Variants in LARP4 observed in about 807,000 individuals in gnomAD.
LARP4 encodes the protein La ribonucleoprotein 4.
Under a neutral mutation model 92.9 loss-of-function variants are expected in LARP4, and 29 were observed. The observed-to-expected ratio is 0.31, with a 90% CI of 0.23 to 0.43. The LOEUF is 0.43. Ranked by LOEUF, LARP4 falls within the 20% of genes least tolerant of loss-of-function variation. The pLI is 1.00. For synonymous variants in LARP4, 279 were observed against 284.1 expected (o/e 0.98, Z 0.18); for missense variants, 732 against 860.0 (o/e 0.85, Z 1.86).
rs1468850308 is a variant in LARP4, at chr12:50,476,419, C to T, written c.*555C>T. 6.6e-6 allele frequency: 1 copy of T among 152,428 alleles called. No individual in the cohort carries two copies. Among genetic ancestry groups the T allele is most frequent in the East Asian group, 1.9e-4 (1 of 5,190 alleles). The allele number at this position is 152,428 out of a possible 1,614,324, so 9.4% of individuals were successfully genotyped here. ...GAGTGTGTACAAGAGCGATTGAAGC[C>T]AAATCTGTTGTCATGTTAGTAAATG... On this transcript the variant is annotated 3_prime_UTR_variant, in exon 16 of 16. Coordinates refer to ENST00000398473, the MANE Select transcript of LARP4 (RefSeq NM_052879.5).
intron 8 of LARP4, among the ~76,000 whole-genome samples, chr12:50,446,429 A>T (rs1279471153): frequency 0.026 from 100 of 3,906 alleles, 10 homozygotes; most frequent in South Asian, 0.052. Flanking sequence ...ATATATATAT[A>T]TTTTTTTTTT....
chr12:50,410,069 G>A (rs1024206360), intron 1 of LARP4, among the ~76,000 whole-genome samples: 1 of 150,636 alleles, frequency 6.6e-6, no homozygotes, highest in African/African-American at 2.5e-5. Context: ...TGGGATTACA[G>A]GTGTGAGCCA....
At chr12:50,454,473 G>C in intron 10 of LARP4, 56 bp downstream of exon 10, 1 of 1,259,774 alleles carries the variant, frequency 7.9e-7, no homozygotes, top group African/African-American at 1.5e-5. Context: ...TGGATCTTAA[G>C]GCATTAATAG....
chr12:50,473,670 A>C, intron 14 of LARP4, 134 bp downstream of exon 14: 1 of 791,752 alleles, frequency 1.3e-6, no homozygotes, highest in Non-Finnish European at 1.9e-6. Context: ...GTTCAAGACC[A>C]GTCTGGCCAA....
chr12:50,456,666 C>T (rs1190173324), intron 10 of LARP4, among the ~76,000 whole-genome samples: 1 of 152,128 alleles, frequency 6.6e-6, no homozygotes, highest in African/African-American at 2.4e-5. Context: ...CTTTCTTTCA[C>T]TTTACTTCTC....
At chr12:50,426,420 A>G (rs755795960) in intron 1 of LARP4, among the ~76,000 whole-genome samples, 2 of 152,156 alleles carry the variant, frequency 1.3e-5, no homozygotes, top group East Asian at 1.9e-4. Context: ...TCATCAATCA[A>G]TTCAGCTTCA....
At chr12:50,415,899 GTT>G (rs1946697936) in intron 1 of LARP4, 2 of 151,602 alleles carry the variant, frequency 1.3e-5, no homozygotes, top group African/African-American at 4.9e-5. Context: ...TAGTGATGGA[GTT>G]TTGCCATGTG....
chr12:50,446,107 A>G (rs1951991944), intron 8 of LARP4, among the ~76,000 whole-genome samples: 1 of 145,476 alleles, frequency 6.9e-6, no homozygotes, highest in African/African-American at 2.6e-5. Flanking sequence ...GGTTCACGCC[A>G]TTCTCCTGCC....
chr12:50,441,577 G>A lies in LARP4; in HGVS notation c.751-13G>A. On this transcript the variant is annotated splice_polypyrimidine_tract_variant and intron_variant, in intron 7 of 15. Coordinates refer to ENST00000398473, the MANE Select transcript of LARP4 (RefSeq NM_052879.5). ...GAATGCTAATGAAAGTTTTTTTTGTGCTTTGTTAACAGGCTTTTAAATACT... is the reference window on the plus strand; with the variant it reads ...GAATGCTAATGAAAGTTTTTTTTGTACTTTGTTAACAGGCTTTTAAATACT... 1 of 1,569,076 alleles carries A rather than the reference G, an allele frequency of 6.4e-7. No homozygotes were observed. The highest frequency in any genetic ancestry group is 1.7e-4 in the Middle Eastern group (1 of 5,888).
chr12:50,468,938 C>G (rs4334109), intron 13 of LARP4, among the ~76,000 whole-genome samples: 1 of 151,870 alleles, frequency 6.6e-6, no homozygotes. Context: ...GTCCTACTGC[C>G]TAGCTATGTT....
chr12:50,406,884 A>G (rs1404466136), intron 1 of LARP4, among the ~76,000 whole-genome samples: 1 of 151,442 alleles, frequency 6.6e-6, no homozygotes, highest in African/African-American at 2.4e-5. Context: ...ATGCTGGCTA[A>G]TTTTTGTATT....
At chr12:50,422,513 C>T (rs80292589) in intron 1 of LARP4, among the ~76,000 whole-genome samples, 16,697 of 151,942 alleles carry the variant, frequency 0.11, 1,826 homozygotes, top group East Asian at 0.48. Flanking sequence ...TGTAGGATAG[C>T]TGAATAAACA....
intron 4 of LARP4, among the ~76,000 whole-genome samples, chr12:50,432,772 A>G (rs1280854326): frequency 6.6e-6 from 1 of 150,924 alleles, no homozygotes; most frequent in African/African-American, 2.4e-5. Flanking sequence ...AGGCAGGAGA[A>G]TCGCTTGAAC....
At chr12:50,441,711 C>T (rs949371853) in intron 8 of LARP4, 68 bp downstream of exon 8, 14 of 1,185,290 alleles carry the variant, frequency 1.2e-5, no homozygotes, top group Non-Finnish European at 1.6e-5. Context: ...TTAAAAAATA[C>T]AGACAGATAA....
intron 7 of LARP4, 38 bp from the exon 8 acceptor site, chr12:50,441,552 G>C (rs746389394): frequency 1.4e-6 from 2 of 1,401,486 alleles, no homozygotes; most frequent in South Asian, 2.5e-5. Context: ...TGAAATGTTT[G>C]AATGCTAATG....
At chr12:50,411,814 G>A (rs1187728534) in intron 1 of LARP4, among the ~76,000 whole-genome samples, 1 of 151,938 alleles carries the variant, frequency 6.6e-6, no homozygotes, top group Admixed American at 6.6e-5. Context: ...CCGAGTAGCT[G>A]GGGCTACAGG....
Position 50,478,526 on chromosome 12 carries a change from A to G in LARP4, c.*2662A>G, listed in dbSNP as rs1290883799. 6.6e-6 allele frequency: 1 copy of G among 152,052 alleles called. No homozygotes were observed. Among genetic ancestry groups the G allele is most frequent in the Non-Finnish European group, 1.5e-5 (1 of 67,950 alleles). 9.4% of individuals were successfully genotyped at this position (152,052 alleles called of 1,614,324 possible). ...TTTATTTGGTTCTTTAGATGGAGGAATTTAAAAAATCAAATTTTTCTCTTC... is the reference window on the plus strand; with the variant it reads ...TTTATTTGGTTCTTTAGATGGAGGAGTTTAAAAAATCAAATTTTTCTCTTC... On this transcript the variant is annotated 3_prime_UTR_variant, in exon 16 of 16. Coordinates refer to ENST00000398473, the MANE Select transcript of LARP4 (RefSeq NM_052879.5).
chr12:50,468,483 G>C (rs541415491), intron 13 of LARP4, among the ~76,000 whole-genome samples: 54 of 151,000 alleles, frequency 3.6e-4, no homozygotes, highest in Non-Finnish European at 6.9e-4. Flanking sequence ...ATTTTTAGTA[G>C]AGGCAGGGTT....
intron 1 of LARP4, among the ~76,000 whole-genome samples, chr12:50,416,062 C>T (rs1232087138): frequency 1.3e-5 from 2 of 152,126 alleles, no homozygotes; most frequent in Non-Finnish European, 2.9e-5. Context: ...GATGACTTCT[C>T]TTTGAAAGTA....
Sources: gnomAD v4.1 joint callset for allele counts (sites outside exome capture counted in the v4.1 genomes callset) on GRCh38, gnomAD v4.1.1 for gene constraint, MANE v1.5 for transcripts, NCBI Gene and HGNC (gene_info 2026-07-23, HGNC 2026-07-21) for gene names.